The following AARS1 variants were observed in gnomAD, a reference collection of about 807,000 sequenced individuals.
The protein encoded by AARS1 is alanyl-tRNA synthetase 1.
In AARS1, 72 loss-of-function variants were observed where a neutral mutation model predicts 108.9. The ratio of observed to expected loss-of-function variants is 0.66; its 90% CI spans 0.55 to 0.80. AARS1 has a LOEUF of 0.80. AARS1 is among the 30% of genes least tolerant of loss of function. The pLI, the probability that AARS1 is intolerant of heterozygous loss-of-function variation, is 0.00. For missense variants in AARS1, 1,193 were observed against 1,233.2 expected (o/e 0.97, Z 0.49); for synonymous variants, 489 against 465.7 (o/e 1.05, Z -0.64).
At chr16:70,282,021 G>A (rs1438946623) in intron 2 of AARS1, among the ~76,000 whole-genome samples, 2 of 152,012 alleles carry the variant, frequency 1.3e-5, no homozygotes, top group Non-Finnish European at 2.9e-5. Flanking sequence ...ACTTGGTGGT[G>A]GGCACCTGTA....
At chr16:70,259,642 C>A (rs1960086445) in intron 13 of AARS1, among the ~76,000 whole-genome samples, 1 of 152,080 alleles carries the variant, frequency 6.6e-6, no homozygotes, top group African/African-American at 2.4e-5. Flanking sequence ...ACCACTACCC[C>A]CAACTAATAT....
intron 2 of AARS1, among the ~76,000 whole-genome samples, chr16:70,280,047 A>C (rs531841072): frequency 6.6e-6 from 1 of 151,430 alleles, no homozygotes; most frequent in African/African-American, 2.4e-5. Context: ...CCACCAGCTA[A>C]TTTTTCAATT....
chr16:70,265,859 TTC>T (rs1191491872), intron 9 of AARS1, among the ~76,000 whole-genome samples, 197 bp from the exon 10 acceptor site: 1 of 152,204 alleles, frequency 6.6e-6, no homozygotes, highest in Non-Finnish European at 1.5e-5. Flanking sequence ...CCTGATACAA[TTC>T]TGTTTTGTTT....
rs946837808 is a variant in AARS1 at position 70,255,194 on chromosome 16, A to ATTTTTTT, written c.2287-467_2287-461dup. On this transcript the variant is annotated intron_variant, in intron 16 of 20. Coordinates refer to ENST00000261772, the MANE Select transcript of AARS1 (RefSeq NM_001605.3). ...GGAGGGGGTAGATGGCCAGATTCACATTTTTTTTTTTTTTTTTTTTTTGGA... is the reference window on the plus strand; with the variant it reads ...GGAGGGGGTAGATGGCCAGATTCACATTTTTTTTTTTTTTTTTTTTTTTTTTTTTGGA... Among the ~76,000 whole-genome samples, 543 of 104,224 alleles carry ATTTTTTT rather than the reference A, an allele frequency of 5.2e-3. 32 individuals carry two copies. Among genetic ancestry groups the ATTTTTTT allele is most frequent in the African/African-American group, 0.019 (525 of 27,006 alleles). 68.4% of individuals were successfully genotyped at this position (104,224 alleles called of 152,430 possible). A position where few individuals can be genotyped will look rare whatever the true frequency, so the allele number is the denominator to read the frequency against.
chr16:70,282,314 G>A (rs1180998626), intron 2 of AARS1, among the ~76,000 whole-genome samples: 1 of 133,336 alleles, frequency 7.5e-6, no homozygotes, highest in East Asian at 2.2e-4. Context: ...GGATGACAGA[G>A]CGAGACTCCG....
intron 2 of AARS1, among the ~76,000 whole-genome samples, chr16:70,278,735 A>C (rs1960615569): frequency 6.6e-6 from 1 of 152,076 alleles, no homozygotes; most frequent in East Asian, 1.9e-4. Context: ...CCTTAAAAGC[A>C]AACACTCTCT....
chr16:70,284,730 G>A (rs946754979), intron 1 of AARS1, among the ~76,000 whole-genome samples: 1 of 152,198 alleles, frequency 6.6e-6, no homozygotes, highest in African/African-American at 2.4e-5. Flanking sequence ...ACAAACTGCT[G>A]TGTCTAGAAA....
chr16:70,261,118 C>T lies in AARS1; in HGVS notation c.1711G>A (p.Gly571Arg), dbSNP rs1172456154. Residue 571 changes from glycine (G) to arginine (R), a missense_variant, in exon 13 of 21, where the codon GGG becomes AGG. Coordinates refer to ENST00000261772, the MANE Select transcript of AARS1 (RefSeq NM_001605.3). ...FTVKNAQVRG[G>R]YVLHIGTIYG... ...ATGGTTCCAATGTGTAGCACATACCCTCCTCGGACCTGAGCATTCTTCACT... is the reference window on the plus strand; with the variant it reads ...ATGGTTCCAATGTGTAGCACATACCTTCCTCGGACCTGAGCATTCTTCACT... 1.2e-6 allele frequency: 2 copies of T among 1,613,876 alleles called. No homozygotes were observed. The highest frequency in any genetic ancestry group is 1.1e-5 in the South Asian group (1 of 91,078).
chr16:70,275,190 G>A lies in AARS1; in HGVS notation c.479+1296C>T, dbSNP rs376947352. On this transcript the variant is annotated intron_variant, in intron 4 of 20. Transcript: ENST00000261772. ...CAGAAGAATCGCCTTAACCCGGGAG[G>A]CAGAGGTTACAGTGAGCCAAGATCG... Among the ~76,000 whole-genome samples the A allele has an allele frequency of 1.8e-4, 27 of 152,136 alleles. 1 individual carries two copies. Among genetic ancestry groups the A allele is most frequent in the African/African-American group, 6.0e-4 (25 of 41,520 alleles).
At chr16:70,283,964 C>A (rs1211424224) in intron 1 of AARS1, among the ~76,000 whole-genome samples, 1 of 152,074 alleles carries the variant, frequency 6.6e-6, no homozygotes, top group Non-Finnish European at 1.5e-5. Flanking sequence ...GTAATCCCAG[C>A]ACTTTGGGAG....
chr16:70,286,996 A>T (rs1252699470), intron 1 of AARS1, among the ~76,000 whole-genome samples: 14 of 151,692 alleles, frequency 9.2e-5, no homozygotes, highest in African/African-American at 2.9e-4. Context: ...TCACGCCTGT[A>T]ATCCCAGCAC....
intron 11 of AARS1, among the ~76,000 whole-genome samples, chr16:70,264,732 T>A (rs1187839402): frequency 1.6e-5 from 2 of 126,348 alleles, no homozygotes; most frequent in African/African-American, 4.7e-5. Context: ...TTCCTACAAA[T>A]TTTTTTTTTT....
chr16:70,258,933 C>G (rs1264706578), intron 14 of AARS1, 47 bp downstream of exon 14: 1 of 1,567,774 alleles, frequency 6.4e-7, no homozygotes, highest in Admixed American at 1.7e-5. Context: ...TGTGGACAGA[C>G]AGTGACGGTG....
intron 13 of AARS1, among the ~76,000 whole-genome samples, chr16:70,260,721 G>A (rs1960112228): frequency 6.6e-6 from 1 of 151,872 alleles, no homozygotes. Flanking sequence ...GGTGTGCAGT[G>A]GCGGGATCTT....
In AARS1 at chr16:70,253,325, C is replaced by G. The variant is rs757039239; in HGVS notation, c.2664G>C (p.Met888Ile). The G allele has an allele frequency of 6.2e-7, 1 of 1,614,212 alleles. No homozygotes were observed. The highest frequency in any genetic ancestry group is 1.7e-5 in the Admixed American group (1 of 60,028). ...FKMHSPQTSAMLFTVDNEAGK... is the reference protein window; with the variant it reads ...FKMHSPQTSAILFTVDNEAGK... ...CAGCCTCATTGTCCACCGTGAAGAG[C>G]ATGGCAGAAGTCTGAGGGGAGTGCA... Residue 888 changes from methionine to isoleucine, a missense_variant, in exon 20 of 21, where the codon ATG becomes ATC. By Grantham distance (10) the Met-to-Ile change is conservative. Coordinates refer to ENST00000261772, the MANE Select transcript of AARS1 (RefSeq NM_001605.3).
chr16:70,286,354 C>A (rs1404081721), intron 1 of AARS1, among the ~76,000 whole-genome samples: 1 of 151,028 alleles, frequency 6.6e-6, no homozygotes, highest in Non-Finnish European at 1.5e-5. Context: ...TCCAGCCACT[C>A]CACAGGAATT....
chr16:70,284,163 G>A (rs1960781730), intron 1 of AARS1, among the ~76,000 whole-genome samples: 2 of 151,886 alleles, frequency 1.3e-5, no homozygotes, highest in African/African-American at 2.4e-5. Flanking sequence ...AAAATTAGCC[G>A]GGCGTGGTGG....
chr16:70,282,806 A>C (rs780180584), intron 1 of AARS1, 22 bp from the exon 2 acceptor site: 1 of 1,606,568 alleles, frequency 6.2e-7, no homozygotes, highest in Non-Finnish European at 8.5e-7. Flanking sequence ...AAAAAAAATG[A>C]AGGAAAATTA....
At chr16:70,272,848 T>A (rs1262992633) in intron 4 of AARS1, among the ~76,000 whole-genome samples, 1 of 149,536 alleles carries the variant, frequency 6.7e-6, no homozygotes, top group Non-Finnish European at 1.5e-5. Context: ...AAGTTGAGGC[T>A]GCAGTGAGCT....
Sources: gnomAD v4.1 joint callset for allele counts (sites outside exome capture counted in the v4.1 genomes callset) on GRCh38, gnomAD v4.1.1 for gene constraint, MANE v1.5 for transcripts, NCBI Gene and HGNC (gene_info 2026-07-23, HGNC 2026-07-21) for gene names.